The following CTNNA3 variants were observed in gnomAD, a reference collection of about 807,000 sequenced individuals.
The protein encoded by CTNNA3 is catenin alpha-3.
Under a neutral mutation model 95.7 loss-of-function variants are expected in CTNNA3, and 76 were observed. The ratio of observed to expected loss-of-function variants is 0.79; its 90% CI spans 0.66 to 0.96. CTNNA3 has a LOEUF of 0.96. CTNNA3 is among the 40% of genes least tolerant of loss of function. The probability of loss-of-function intolerance (pLI) is 0.00; values close to 1 mark genes in which losing one functional copy is unlikely to be tolerated. For missense variants in CTNNA3, 1,191 were observed against 1,089.8 expected (o/e 1.09, Z -1.31); for synonymous variants, 431 against 374.4 (o/e 1.15, Z -1.74).
In CTNNA3 at chr10:67,426,655, G is replaced by A. The variant is rs948625175; in HGVS notation, c.579+95187C>T. Among the ~76,000 whole-genome samples the A allele has an allele frequency of 2.6e-5, 4 of 152,018 alleles. No individual in the cohort carries two copies. The South Asian group carries it at 6.2e-4, about 24-fold the overall frequency. On this transcript the variant is annotated intron_variant, in intron 5 of 17. Coordinates refer to ENST00000433211, the MANE Select transcript of CTNNA3 (RefSeq NM_013266.4). ...GGAATATCACACACCGGGGCCTGTC[G>A]GGAGGTGGGAGCCTGGGGGAGGGAT...
chr10:67,070,189 G>C (rs1374366425), intron 7 of CTNNA3, among the ~76,000 whole-genome samples: 1 of 152,072 alleles, frequency 6.6e-6, no homozygotes, highest in Non-Finnish European at 1.5e-5. Context: ...TTGCAATTTG[G>C]ATATCCTCTT....
At chr10:66,318,213 T>A (rs1319558975) in intron 12 of CTNNA3, among the ~76,000 whole-genome samples, 1 of 151,142 alleles carries the variant, frequency 6.6e-6, no homozygotes, top group Non-Finnish European at 1.5e-5. Flanking sequence ...CTATGAATAG[T>A]TAGTGGAATC....
At chr10:67,124,375 G>GT (rs1564907325) in intron 7 of CTNNA3, among the ~76,000 whole-genome samples, 1 of 122,774 alleles carries the variant, frequency 8.1e-6, no homozygotes, top group African/African-American at 3.1e-5. Flanking sequence ...TGTGTGTGTG[G>GT]TCTATAAATG....
intron 7 of CTNNA3, among the ~76,000 whole-genome samples, chr10:66,921,307 T>C (rs544189662): frequency 3.3e-5 from 5 of 152,292 alleles, no homozygotes; most frequent in African/African-American, 1.2e-4. Context: ...ACCATCACAT[T>C]GGGAATTGGG....
chr10:66,487,720 A>C (rs889359151), intron 11 of CTNNA3, among the ~76,000 whole-genome samples: 2 of 152,216 alleles, frequency 1.3e-5, no homozygotes, highest in African/African-American at 4.8e-5. Flanking sequence ...AACAAAACAA[A>C]ACAAAAAACC....
intron 15 of CTNNA3, among the ~76,000 whole-genome samples, chr10:65,994,861 T>A (rs986671482): frequency 6.6e-6 from 1 of 152,158 alleles, no homozygotes; most frequent in South Asian, 2.1e-4. Flanking sequence ...TTATTTATTC[T>A]ATTTTGCCTG....
intron 5 of CTNNA3, among the ~76,000 whole-genome samples, chr10:67,482,455 G>A (rs1848271653): frequency 6.6e-6 from 1 of 151,976 alleles, no homozygotes; most frequent in East Asian, 1.9e-4. Context: ...TCCTTGAAGA[G>A]GTCCTTCACG....
chr10:67,348,696 C>G (rs1003294496), intron 5 of CTNNA3, among the ~76,000 whole-genome samples: 2 of 152,090 alleles, frequency 1.3e-5, no homozygotes, highest in African/African-American at 4.8e-5. Context: ...AAGGACAGCA[C>G]CAAGATTTTC....
At chr10:66,419,300 T>C (rs1038428776) in intron 11 of CTNNA3, among the ~76,000 whole-genome samples, 4 of 151,948 alleles carry the variant, frequency 2.6e-5, no homozygotes, top group Admixed American at 6.6e-5. Context: ...CCATTTCCAC[T>C]AGCTACCAAA....
chr10:67,330,493 C>T (rs1181889245), intron 5 of CTNNA3, among the ~76,000 whole-genome samples: 13 of 152,004 alleles, frequency 8.6e-5, no homozygotes, highest in Admixed American at 7.9e-4. Context: ...GAAAGATAAG[C>T]GCAGCATATA....
intron 14 of CTNNA3, among the ~76,000 whole-genome samples, chr10:66,084,241 C>T (rs1191651064): frequency 2.0e-5 from 3 of 151,754 alleles, no homozygotes; most frequent in African/African-American, 7.3e-5. Context: ...TGTAGTTCTG[C>T]AGGCTCTGAA....
intron 6 of CTNNA3, among the ~76,000 whole-genome samples, chr10:67,185,447 C>G (rs1475752343): frequency 4.6e-5 from 7 of 151,710 alleles, no homozygotes. Context: ...TTTTTCTATG[C>G]CTCTATTGAG....
At chr10:67,062,510 T>C (rs1855818512) in intron 7 of CTNNA3, among the ~76,000 whole-genome samples, 2 of 152,172 alleles carry the variant, frequency 1.3e-5, no homozygotes, top group Admixed American at 1.3e-4. Flanking sequence ...TCTTTTTGGT[T>C]GAAAGTGTGT....
At chr10:67,095,371 T>C (rs1019391669) in intron 7 of CTNNA3, among the ~76,000 whole-genome samples, 6 of 151,786 alleles carry the variant, frequency 4.0e-5, no homozygotes, top group African/African-American at 1.2e-4. Flanking sequence ...TTAAACAGTA[T>C]AATCATGGCA....
intron 15 of CTNNA3, among the ~76,000 whole-genome samples, chr10:66,038,187 C>T (rs908061636): frequency 6.6e-6 from 1 of 152,156 alleles, no homozygotes; most frequent in South Asian, 2.1e-4. Context: ...GTATGGAAAA[C>T]ATTATATGTA....
intron 12 of CTNNA3, among the ~76,000 whole-genome samples, chr10:66,351,596 C>A (rs1022960083): frequency 6.6e-6 from 1 of 151,836 alleles, no homozygotes; most frequent in African/African-American, 2.4e-5. Context: ...ATTAGATTTA[C>A]GGTATGCTGC....
At chr10:66,911,829 T>A (rs906414715) in intron 7 of CTNNA3, among the ~76,000 whole-genome samples, 1 of 152,164 alleles carries the variant, frequency 6.6e-6, no homozygotes, top group Non-Finnish European at 1.5e-5. Flanking sequence ...ATGTAAAACC[T>A]CTCAAGTCGT....
At chr10:66,622,285 A>G (rs969853068) in intron 9 of CTNNA3, among the ~76,000 whole-genome samples, 1 of 152,170 alleles carries the variant, frequency 6.6e-6, no homozygotes, top group Non-Finnish European at 1.5e-5. Context: ...CAAGATAATT[A>G]ACTTCTTCCT....
chr10:67,747,434 C>T (rs761506411), intron 1 of CTNNA3, among the ~76,000 whole-genome samples: 1 of 152,166 alleles, frequency 6.6e-6, no homozygotes, highest in Non-Finnish European at 1.5e-5. Context: ...TGCTGTTCTC[C>T]AGCCTCCTTA....
Sources: allele counts gnomAD v4.1 joint callset (sites outside exome capture counted in the v4.1 genomes callset), GRCh38; gene constraint gnomAD v4.1.1; transcripts MANE v1.5; gene names NCBI Gene and HGNC (gene_info 2026-07-23, HGNC 2026-07-21).